The following AUTS2 variants were observed in gnomAD, a reference collection of about 807,000 sequenced individuals.
AUTS2 encodes activator of transcription and developmental regulator AUTS2.
A neutral mutation model predicts 112.4 loss-of-function variants in AUTS2; 17 were observed. The observed-to-expected ratio is 0.15, with a 90% CI of 0.10 to 0.23. The LOEUF (loss-of-function observed/expected upper bound fraction) is 0.23, where lower values mean the gene tolerates loss of function less well. Ranked by LOEUF, AUTS2 falls within the 10% of genes least tolerant of loss-of-function variation. The pLI is 1.00. For synonymous variants in AUTS2, 751 were observed against 702.7 expected (o/e 1.07, Z -1.09); for missense variants, 1,510 against 1,701.6 (o/e 0.89, Z 1.98).
chr7:70,779,769 C>T (rs1790946475), intron 14 of AUTS2, among the ~76,000 whole-genome samples: 1 of 152,110 alleles, frequency 6.6e-6, no homozygotes, highest in Non-Finnish European at 1.5e-5. Flanking sequence ...ATGGCTCACT[C>T]CTCTAATCCA....
At chr7:70,115,355 A>G (rs1805302482) in intron 2 of AUTS2, among the ~76,000 whole-genome samples, 1 of 152,112 alleles carries the variant, frequency 6.6e-6, no homozygotes, top group Admixed American at 6.5e-5. Context: ...TAGTTTTTTA[A>G]ATAGAGACGG....
chr7:69,635,104 C>G (rs948871927), intron 1 of AUTS2, among the ~76,000 whole-genome samples: 4 of 151,942 alleles, frequency 2.6e-5, no homozygotes, highest in African/African-American at 9.7e-5. Flanking sequence ...CTAAACTTGT[C>G]TGCTCCTCTA....
chr7:70,769,602 G>T (rs1371307305), intron 10 of AUTS2, among the ~76,000 whole-genome samples: 1 of 152,164 alleles, frequency 6.6e-6, no homozygotes, highest in Non-Finnish European at 1.5e-5. Flanking sequence ...GGAGAATGGC[G>T]TGAACCCGGG....
chr7:70,070,647 T>C (rs1584673108), intron 2 of AUTS2, among the ~76,000 whole-genome samples: 1 of 152,074 alleles, frequency 6.6e-6, no homozygotes, highest in South Asian at 2.1e-4. Context: ...GGGTGGATCA[T>C]GAGGTCAAGA....
At chr7:70,000,478 G>A (rs1286254183) in intron 2 of AUTS2, among the ~76,000 whole-genome samples, 2 of 152,110 alleles carry the variant, frequency 1.3e-5, no homozygotes, top group Non-Finnish European at 2.9e-5. Flanking sequence ...AACAGCAGTG[G>A]GACATCTATC....
intron 5 of AUTS2, among the ~76,000 whole-genome samples, chr7:70,678,121 G>T (rs184683302): frequency 3.3e-5 from 5 of 152,134 alleles, no homozygotes; most frequent in Non-Finnish European, 7.4e-5. Flanking sequence ...AATTTTAGTA[G>T]GTTCTACCTT....
At chr7:69,919,696 T>C (rs1449367666) in intron 2 of AUTS2, among the ~76,000 whole-genome samples, 3 of 152,174 alleles carry the variant, frequency 2.0e-5, no homozygotes, top group African/African-American at 7.2e-5. Context: ...AGAATGCAGA[T>C]GTTGTATTCT....
At chr7:70,450,402 A>G (rs770912233) in intron 5 of AUTS2, among the ~76,000 whole-genome samples, 1 of 152,210 alleles carries the variant, frequency 6.6e-6, no homozygotes, top group Non-Finnish European at 1.5e-5. Flanking sequence ...AGCACATGGA[A>G]TAGATGTTAC....
chr7:70,471,675 G>A (rs1185275093), intron 5 of AUTS2, among the ~76,000 whole-genome samples: 1 of 152,140 alleles, frequency 6.6e-6, no homozygotes, highest in Admixed American at 6.5e-5. Flanking sequence ...ACTAATTGGT[G>A]TGTGAGATGA....
chr7:69,814,948 G>A (rs1018481527), intron 1 of AUTS2, among the ~76,000 whole-genome samples: 1 of 152,208 alleles, frequency 6.6e-6, no homozygotes, highest in Non-Finnish European at 1.5e-5. Context: ...TTTCTTGAGC[G>A]AGGTCCCCAT....
chr7:69,974,742 A>G (rs1264761385), intron 2 of AUTS2, among the ~76,000 whole-genome samples: 2 of 152,196 alleles, frequency 1.3e-5, no homozygotes, highest in African/African-American at 2.4e-5. Context: ...TTCAAATGCT[A>G]TTCTCTTCCA....
chr7:70,228,115 A>G (rs918356753), intron 4 of AUTS2, among the ~76,000 whole-genome samples: 5 of 151,366 alleles, frequency 3.3e-5, no homozygotes, highest in African/African-American at 4.9e-5. Flanking sequence ...ATATCCATGT[A>G]TATCATTGTA....
intron 5 of AUTS2, among the ~76,000 whole-genome samples, chr7:70,636,993 T>C (rs115814796): frequency 2.0e-5 from 3 of 152,216 alleles, no homozygotes; most frequent in African/African-American, 7.2e-5. Context: ...GGCATTGTTA[T>C]GTTTATCGAA....
At chr7:69,864,090 A>G (rs939578478) in intron 1 of AUTS2, among the ~76,000 whole-genome samples, 4 of 152,194 alleles carry the variant, frequency 2.6e-5, no homozygotes, top group Non-Finnish European at 4.4e-5. Context: ...GTTTAAACCC[A>G]AGTACATCTG....
intron 4 of AUTS2, among the ~76,000 whole-genome samples, chr7:70,432,528 G>T (rs181711235): frequency 6.6e-6 from 1 of 152,086 alleles, no homozygotes; most frequent in Non-Finnish European, 1.5e-5. Context: ...CCCATAAACC[G>T]CTGCCAGTGA....
At chr7:70,525,763 A>T (rs1799814472) in intron 5 of AUTS2, among the ~76,000 whole-genome samples, 1 of 152,228 alleles carries the variant, frequency 6.6e-6, no homozygotes, top group Admixed American at 6.5e-5. Context: ...TGTGGAGAAG[A>T]TGAACACTCG....
At chr7:70,125,714 C>T (rs763088883) in intron 3 of AUTS2, among the ~76,000 whole-genome samples, 11 of 152,166 alleles carry the variant, frequency 7.2e-5, no homozygotes, top group African/African-American at 1.2e-4. Context: ...AATCATGTGG[C>T]ATGAAAACTC....
At chr7:70,714,604 G>C (rs1045877822) in intron 6 of AUTS2, among the ~76,000 whole-genome samples, 2 of 152,182 alleles carry the variant, frequency 1.3e-5, no homozygotes, top group Non-Finnish European at 2.9e-5. Flanking sequence ...CTTAAATCTA[G>C]AGTGCTCCAC....
At chr7:70,518,070 G>T (rs1799490492) in intron 5 of AUTS2, among the ~76,000 whole-genome samples, 1 of 152,158 alleles carries the variant, frequency 6.6e-6, no homozygotes, top group Admixed American at 6.5e-5. Flanking sequence ...TTGCTTCCCT[G>T]TTTATGTCAA....
Sources: allele counts gnomAD v4.1 joint callset (sites outside exome capture counted in the v4.1 genomes callset), GRCh38; gene constraint gnomAD v4.1.1; transcripts MANE v1.5; gene names NCBI Gene and HGNC (gene_info 2026-07-23, HGNC 2026-07-21).